Variants in TAF15 observed in about 807,000 individuals in gnomAD.
TAF15 encodes the protein TATA-binding protein-associated factor 2N.
Under a neutral mutation model 102.5 loss-of-function variants are expected in TAF15, and 37 were observed. The ratio of observed to expected loss-of-function variants is 0.36; its 90% CI spans 0.28 to 0.47. TAF15 has a LOEUF of 0.47. Ranked by LOEUF, TAF15 falls within the 20% of genes least tolerant of loss-of-function variation. The probability of loss-of-function intolerance (pLI) is 0.99; values close to 1 mark genes in which losing one functional copy is unlikely to be tolerated. For missense variants in TAF15, 652 were observed against 760.7 expected (o/e 0.86, Z 1.68); for synonymous variants, 273 against 259.2 (o/e 1.05, Z -0.51).
intron 1 of TAF15, 87 bp from the exon 2 acceptor site, chr17:35,817,629 A>G (rs1272454037): frequency 6.0e-6 from 7 of 1,165,418 alleles, no homozygotes; most frequent in Non-Finnish European, 5.1e-6. Flanking sequence ...ACATTTTCTT[A>G]CCACATTTCT....
At chr17:35,834,665 G>A (rs1678286239) in intron 9 of TAF15, 67 bp downstream of exon 9, 3 of 1,494,708 alleles carry the variant, frequency 2.0e-6, no homozygotes, top group African/African-American at 2.8e-5. Context: ...GATGGGAAAA[G>A]TGTGTGTTTG....
At chr17:35,824,049 A>T (rs776191708) in intron 6 of TAF15, 29 bp from the exon 7 acceptor site, 1 of 1,613,992 alleles carries the variant, frequency 6.2e-7, no homozygotes, top group South Asian at 1.1e-5. Flanking sequence ...GAGAGTGGTT[A>T]TTTGTGTGTA....
chr17:35,846,939 A>C lies in TAF15; in HGVS notation c.1773A>C (p.Pro591=). The C allele has an allele frequency of 6.2e-7, 1 of 1,614,200 alleles. No homozygotes were observed. Among genetic ancestry groups the C allele is most frequent in the East Asian group, 2.2e-5 (1 of 44,888 alleles). ...NDYRNDQRNR[P]Y The stretch of plus-strand genomic sequence containing the variant: ...ACAGAAATGATCAGCGCAACCGACC[A>C]TACTGATGACTGTTTTGAATGTTCC... Residue 591 remains proline, a synonymous_variant, in exon 16 of 16, where the codon CCA becomes CCC. Transcript: ENST00000605844.
chr17:35,809,962 G>C (rs1034422403), intron 1 of TAF15: 1 of 377,648 alleles, frequency 2.6e-6, no homozygotes, highest in Non-Finnish European at 4.9e-6. Flanking sequence ...CTCCGCCTCG[G>C]ATCTTTCAGC....
rs57004932 is a variant in TAF15, at chr17:35,823,706, CAAAAAA to C, written c.485-355_485-350del. 685 of 161,036 alleles carry C rather than the reference CAAAAAA, an allele frequency of 4.3e-3. 3 individuals carry two copies. Among genetic ancestry groups the C allele is most frequent in the African/African-American group, 0.015 (370 of 25,268 alleles). 10.0% of individuals were successfully genotyped at this position (161,036 alleles called of 1,614,324 possible). A position where few individuals can be genotyped will look rare whatever the true frequency, so the allele number is the denominator to read the frequency against. The stretch of plus-strand genomic sequence containing the variant: ...GGCTACAGAGCGAGACTCTTGTCTC[CAAAAAA>C]AAAAAAAAAAAAAAAAGATTGGGGT... On this transcript the variant is annotated intron_variant, in intron 6 of 15. Transcript: ENST00000605844.
At chr17:35,835,028 G>A (rs959954420) in intron 9 of TAF15, among the ~76,000 whole-genome samples, 27 of 152,082 alleles carry the variant, frequency 1.8e-4, no homozygotes, top group Non-Finnish European at 2.9e-4. Flanking sequence ...ACAGGTGTGA[G>A]CCACCACGCC....
At chr17:35,822,158 A>G (rs1029989797) in intron 5 of TAF15, among the ~76,000 whole-genome samples, 4 of 152,036 alleles carry the variant, frequency 2.6e-5, no homozygotes, top group African/African-American at 9.7e-5. Context: ...CCTGACCAAC[A>G]TGGAGAAACC....
At chr17:35,839,412 C>T (rs1156906558) in intron 11 of TAF15, among the ~76,000 whole-genome samples, 13 of 98,678 alleles carry the variant, frequency 1.3e-4, no homozygotes, top group Admixed American at 5.0e-4. Context: ...GACGGAGTCT[C>T]GCTTTGTCTC....
chr17:35,837,159 T>C (rs991499943), intron 10 of TAF15, among the ~76,000 whole-genome samples: 6 of 152,120 alleles, frequency 3.9e-5, no homozygotes, highest in Non-Finnish European at 8.8e-5. Context: ...TTGTTGTCGT[T>C]GTTGTCTTGA....
intron 8 of TAF15, 163 bp from the exon 9 acceptor site, chr17:35,834,403 A>T: frequency 1.5e-6 from 1 of 665,934 alleles, no homozygotes; most frequent in South Asian, 2.0e-5. Context: ...CTAAACTTTA[A>T]ATAAAACATA....
Position 35,844,522 on chromosome 17 carries a change from G to C in TAF15, c.1223G>C (p.Arg408Pro). The C allele has an allele frequency of 6.2e-7, 1 of 1,611,510 alleles. No homozygotes were observed. The highest frequency in any genetic ancestry group is 2.2e-5 in the East Asian group (1 of 44,818). ...GYGGERGYRGRGGRGGDRGGY... is the reference protein window; with the variant it reads ...GYGGERGYRGPGGRGGDRGGY... The stretch of plus-strand genomic sequence containing the variant: ...GGTGGAGAGAGGGGCTACAGAGGTC[G>C]TGGGGGCAGAGGTGGAGACCGAGGC... The change falls in exon 15 of 16, where the codon CGT (arginine) becomes CCT (proline). Residue 408 changes from arginine (R) to proline (P), a missense_variant. By Grantham distance (103) the Arg-to-Pro change is moderately radical. Transcript: ENST00000605844.
At chr17:35,836,264 G>GA (rs774467607) in intron 10 of TAF15, 23 bp downstream of exon 10, 2 of 1,450,822 alleles carry the variant, frequency 1.4e-6, no homozygotes, top group Non-Finnish European at 9.7e-7. Flanking sequence ...ATTATATGTT[G>GA]AAAATCTCAT....
intron 2 of TAF15, among the ~76,000 whole-genome samples, chr17:35,819,244 T>C (rs184077087): frequency 1.3e-5 from 2 of 152,350 alleles, no homozygotes; most frequent in African/African-American, 4.8e-5. Context: ...GGAATCTTGT[T>C]AGCACTTGAT....
chr17:35,823,224 G>C (rs1450413290), intron 6 of TAF15, among the ~76,000 whole-genome samples: 2 of 152,202 alleles, frequency 1.3e-5, no homozygotes, highest in Admixed American at 6.5e-5. Context: ...GTGTAAGTAA[G>C]TGCTTGTTGA....
intron 6 of TAF15, 57 bp downstream of exon 6, chr17:35,822,890 A>C: frequency 6.3e-7 from 1 of 1,596,892 alleles, no homozygotes; most frequent in Non-Finnish European, 8.6e-7. Flanking sequence ...ATTTGTATGA[A>C]TTTCTGATTA....
At position 35,836,116 on chromosome 17, in the gene TAF15, A is replaced by C. The variant is rs976894824; in HGVS notation, c.674-16A>C. The C allele has an allele frequency of 1.9e-6, 3 of 1,546,884 alleles. No homozygotes were observed. The highest frequency in any genetic ancestry group is 2.7e-6 in the Non-Finnish European group (3 of 1,119,376). On this transcript the variant is annotated splice_polypyrimidine_tract_variant and intron_variant, in intron 9 of 15. Coordinates refer to ENST00000605844, the MANE Select transcript of TAF15 (RefSeq NM_139215.3). ...CAAGGAATATGTAAAATTAACCATC[A>C]CTTTTTTTCTCTTAGATTCAGAATC...
In TAF15 at chr17:35,839,370, C is replaced by CTTTTTTT. The variant is rs562461506; in HGVS notation, c.913+840_913+846dup. ...TTAATACATACTTAGAAGAAATAGA[C>CTTTTTTT]TTTTTTTTTTTTTTTTTTTTTTTTT... is the stretch of plus-strand genomic sequence containing the variant. On this transcript the variant is annotated intron_variant, in intron 11 of 15. Transcript: ENST00000605844. 1.1e-3 allele frequency among the ~76,000 whole-genome samples: 60 copies of CTTTTTTT among 52,416 alleles called. 17 individuals carry two copies. The highest frequency in any genetic ancestry group is 4.7e-3 in the African/African-American group (53 of 11,160). The allele number at this position is 52,416 out of a possible 152,430, so 34.4% of individuals were successfully genotyped here.
At chr17:35,837,337 A>C (rs867036847) in intron 10 of TAF15, among the ~76,000 whole-genome samples, 2 of 149,432 alleles carry the variant, frequency 1.3e-5, no homozygotes, top group Middle Eastern at 3.6e-3. Context: ...TTTTTTTTTT[A>C]GAGATGGAGT....
In TAF15 at chr17:35,844,676, AGGC is replaced by A. The variant is rs1426717839; in HGVS notation, c.1384_1386del (p.Gly462del). The A allele has an allele frequency of 2.5e-6, 4 of 1,599,264 alleles. No homozygotes were observed. Among genetic ancestry groups the A allele is most frequent in the Admixed American group, 1.8e-5 (1 of 56,934 alleles). On this transcript the variant is annotated inframe_deletion, in exon 15 of 16. Transcript: ENST00000605844. ...GTGGGGGTGGCTATGGTGGGGACAG[AGGC>A]GGCGGCTATGGTGGGGACAGAGGAG...
Sources: allele counts gnomAD v4.1 joint callset (sites outside exome capture counted in the v4.1 genomes callset), GRCh38; gene constraint gnomAD v4.1.1; transcripts MANE v1.5; gene names NCBI Gene and HGNC (gene_info 2026-07-23, HGNC 2026-07-21).